Variants in ALCAM observed in about 807,000 individuals in gnomAD.
ALCAM encodes activated leukocyte cell adhesion molecule.
In ALCAM, 30 loss-of-function variants were observed where a neutral mutation model predicts 70.9. That is an observed-to-expected ratio of 0.42 (90% CI 0.32 to 0.57). The LOEUF (loss-of-function observed/expected upper bound fraction) is 0.57. ALCAM is among the 20% of genes least tolerant of loss of function. ALCAM has a pLI of 0.11. For synonymous variants in ALCAM, 249 were observed against 242.5 expected, an observed-to-expected ratio of 1.03 and a Z score of -0.25; for missense variants, 591 against 695.1, an observed-to-expected ratio of 0.85 and a Z score of 1.68.
intron 1 of ALCAM, among the ~76,000 whole-genome samples, chr3:105,480,243 G>A (rs192675753): frequency 3.9e-5 from 6 of 152,000 alleles, no homozygotes; most frequent in East Asian, 1.9e-4. Context: ...CCAGCTACTC[G>A]GGAGGCTAAG....
chr3:105,545,250 G>A lies in ALCAM; in HGVS notation c.1019G>A (p.Gly340Glu). 1.2e-6 allele frequency: 2 copies of A among 1,608,772 alleles called. No homozygotes were observed. Among genetic ancestry groups the A allele is most frequent in the Non-Finnish European group, 1.7e-6 (2 of 1,176,132 alleles). The change falls in exon 9 of 16, where the codon GGA (glycine) becomes GAA (glutamate). Residue 340 changes from glycine to glutamate, a missense_variant. Physicochemically the swap from Gly to Glu is moderately conservative, Grantham distance 98 (BLOSUM62 -2). Coordinates refer to ENST00000306107, the MANE Select transcript of ALCAM (RefSeq NM_001627.4). ...HYLDLSLNPS[G>E]EVTRQIGDAL... Reference sequence around the variant, plus strand: ...TTGGATTTGTCCTTAAACCCAAGTGGAGAAGTGACTAGACAGATTGGTGAT... The same window carrying A: ...TTGGATTTGTCCTTAAACCCAAGTGAAGAAGTGACTAGACAGATTGGTGAT...
intron 1 of ALCAM, among the ~76,000 whole-genome samples, chr3:105,373,713 C>T (rs1475460801): frequency 6.6e-6 from 1 of 152,088 alleles, no homozygotes; most frequent in East Asian, 1.9e-4. Flanking sequence ...TTTTTGAATA[C>T]CAAATATCAT....
intron 11 of ALCAM, among the ~76,000 whole-genome samples, chr3:105,548,638 T>G (rs1940312732): frequency 6.6e-6 from 1 of 151,344 alleles, no homozygotes; most frequent in Non-Finnish European, 1.5e-5. Flanking sequence ...TGGAAAGCCC[T>G]CAAAAGAGTA....
intron 13 of ALCAM, 28 bp from the exon 14 acceptor site, chr3:105,552,440 T>C: frequency 6.2e-7 from 1 of 1,600,330 alleles, no homozygotes; most frequent in Non-Finnish European, 8.6e-7. Context: ...TTGTCTGTAA[T>C]TGCATGGACT....
In ALCAM at chr3:105,552,569, T is replaced by A; in HGVS notation, c.1648T>A (p.Tyr550Asn). Residue 550 changes from tyrosine (Y) to asparagine (N), a missense_variant, in exon 14 of 16, where the codon TAC becomes AAC. Around this residue, in one of 2 missense-constraint regions of ALCAM, gnomAD observed 164 missense variants for 244.7 expected, o/e 0.67. Coordinates refer to ENST00000306107, the MANE Select transcript of ALCAM (RefSeq NM_001627.4). ...ALVAGVVYWL[Y>N]MKKSKTASKH... ...TGTTGCTGGTGTCGTCTACTGGCTGTACATGAAGAAGTCAAAGTGAGTTGT... is the reference window on the plus strand; with the variant it reads ...TGTTGCTGGTGTCGTCTACTGGCTGAACATGAAGAAGTCAAAGTGAGTTGT... 1 of 1,611,482 alleles carries A rather than the reference T, an allele frequency of 6.2e-7. No individual in the cohort carries two copies.
At chr3:105,564,052 A>G (rs578211599) in intron 14 of ALCAM, among the ~76,000 whole-genome samples, 6 of 152,000 alleles carry the variant, frequency 3.9e-5, no homozygotes, top group South Asian at 4.2e-4. Context: ...TTTGAAGTAC[A>G]TTGAGATTTA....
intron 1 of ALCAM, among the ~76,000 whole-genome samples, chr3:105,371,642 A>C (rs1309654531): frequency 1.3e-5 from 2 of 151,958 alleles, no homozygotes; most frequent in African/African-American, 2.4e-5. Context: ...GCAGTTTGTC[A>C]GATAGTATTT....
chr3:105,505,707 G>A (rs1287381571), intron 1 of ALCAM, among the ~76,000 whole-genome samples: 1 of 151,964 alleles, frequency 6.6e-6, no homozygotes, highest in Admixed American at 6.6e-5. Context: ...AAATATTGAA[G>A]ACTGTTTGGC....
chr3:105,570,269 A>T (rs950399287), intron 14 of ALCAM, among the ~76,000 whole-genome samples: 1 of 152,190 alleles, frequency 6.6e-6, no homozygotes, highest in Non-Finnish European at 1.5e-5. Flanking sequence ...ATGTGTAAGA[A>T]AAGATACTCA....
chr3:105,560,419 CAT>C (rs1351165094), intron 14 of ALCAM, among the ~76,000 whole-genome samples: 1 of 152,078 alleles, frequency 6.6e-6, no homozygotes, highest in Non-Finnish European at 1.5e-5. Context: ...GAGTTCTTAA[CAT>C]ATTTTGCATT....
chr3:105,533,779 C>T lies in ALCAM; in HGVS notation c.547+89C>T, dbSNP rs796276481. On this transcript the variant is annotated intron_variant, in intron 5 of 15. Coordinates refer to ENST00000306107, the MANE Select transcript of ALCAM (RefSeq NM_001627.4). ...TAGGTATTCTTTAAACCAGTGGTCTCCAACCTTTTTGGCACCAGGAACTGG... is the reference window on the plus strand; with the variant it reads ...TAGGTATTCTTTAAACCAGTGGTCTTCAACCTTTTTGGCACCAGGAACTGG... 1.2e-5 allele frequency: 15 copies of T among 1,267,452 alleles called. 1 individual carries two copies. The African/African-American group carries it at 2.1e-4, about 18-fold the overall frequency. The allele number at this position is 1,267,452 out of a possible 1,614,324, so 78.5% of individuals were successfully genotyped here.
intron 1 of ALCAM, among the ~76,000 whole-genome samples, chr3:105,442,742 C>T (rs756341392): frequency 3.9e-5 from 6 of 151,906 alleles, no homozygotes; most frequent in Non-Finnish European, 7.4e-5. Flanking sequence ...GATCGCACCA[C>T]TGCACTCCAG....
At chr3:105,458,105 A>G (rs895065839) in intron 1 of ALCAM, among the ~76,000 whole-genome samples, 3 of 151,490 alleles carry the variant, frequency 2.0e-5, no homozygotes, top group Non-Finnish European at 4.4e-5. Flanking sequence ...CCAGCTTTAT[A>G]GTTGAACTAA....
chr3:105,462,664 GTAAAT>G (rs1937620750), intron 1 of ALCAM, among the ~76,000 whole-genome samples: 1 of 151,368 alleles, frequency 6.6e-6, no homozygotes, highest in Admixed American at 6.6e-5. Context: ...CCATAGCAAA[GTAAAT>G]TATAGAACAG....
In ALCAM at chr3:105,411,204, T is replaced by C. The variant is rs58177649; in HGVS notation, c.73+43723T>C. 9.2e-3 allele frequency among the ~76,000 whole-genome samples: 1,400 copies of C among 152,114 alleles called. 22 individuals are homozygous for C. The highest frequency in any genetic ancestry group is 0.032 in the African/African-American group (1,336 of 41,542). On this transcript the variant is annotated intron_variant, in intron 1 of 15. Transcript: ENST00000306107. ...AATTTGCTGCAGTATCTTTATAAAG[T>C]GGATAATAATTGTGTTAGAGATCAT...
chr3:105,517,177 C>T (rs1939405152), intron 1 of ALCAM, among the ~76,000 whole-genome samples: 1 of 152,104 alleles, frequency 6.6e-6, no homozygotes, highest in Non-Finnish European at 1.5e-5. Flanking sequence ...AGCTCTCCCA[C>T]AGATGCAAGC....
intron 1 of ALCAM, among the ~76,000 whole-genome samples, chr3:105,432,115 G>A (rs1433639665): frequency 6.6e-6 from 1 of 152,080 alleles, no homozygotes; most frequent in African/African-American, 2.4e-5. Context: ...ATTCAGTAAA[G>A]CATAAACTCT....
chr3:105,406,859 A>G (rs1936248633), intron 1 of ALCAM, among the ~76,000 whole-genome samples: 1 of 152,190 alleles, frequency 6.6e-6, no homozygotes, highest in Admixed American at 6.5e-5. Flanking sequence ...TCAATTACAA[A>G]TGAAACGGGA....
intron 1 of ALCAM, among the ~76,000 whole-genome samples, chr3:105,428,860 T>C (rs2107432765): frequency 6.6e-6 from 1 of 151,996 alleles, no homozygotes; most frequent in East Asian, 1.9e-4. Context: ...ATAAGCCCTT[T>C]AAAAAAGAAA....
Sources: gnomAD v4.1 joint callset for allele counts (sites outside exome capture counted in the v4.1 genomes callset) on GRCh38, gnomAD v4.1.1 for gene constraint, gnomAD v4.1.1 regional missense constraint, MANE v1.5 for transcripts, NCBI Gene and HGNC (gene_info 2026-07-23, HGNC 2026-07-21) for gene names.